Variants in PDGFC observed in about 807,000 individuals in gnomAD.
PDGFC encodes platelet derived growth factor C.
A neutral mutation model predicts 35.5 loss-of-function variants in PDGFC; 12 were observed. That is an observed-to-expected ratio of 0.34 (90% CI 0.22 to 0.55). The LOEUF is 0.55. Ranked by LOEUF, PDGFC falls within the 20% of genes least tolerant of loss-of-function variation. The pLI, the probability that PDGFC is intolerant of heterozygous loss-of-function variation, is 0.91. For missense variants in PDGFC, 322 were observed against 412.4 expected, an observed-to-expected ratio of 0.78 and a Z score of 1.90; for synonymous variants, 159 against 148.8, an observed-to-expected ratio of 1.07 and a Z score of -0.50.
intron 2 of PDGFC, among the ~76,000 whole-genome samples, chr4:156,831,439 CTTT>C (rs34254264): frequency 3.0e-5 from 3 of 99,310 alleles, no homozygotes; most frequent in African/African-American, 4.5e-5. Flanking sequence ...GAGACCCTGT[CTTT>C]TTTTTTTTTT....
intron 2 of PDGFC, among the ~76,000 whole-genome samples, chr4:156,814,562 G>C (rs990521409): frequency 2.0e-5 from 3 of 152,044 alleles, no homozygotes; most frequent in Admixed American, 1.3e-4. Flanking sequence ...AAATTTTCTT[G>C]AGACCATTTT....
chr4:156,845,995 A>G (rs1314339713), intron 2 of PDGFC, among the ~76,000 whole-genome samples: 2 of 151,948 alleles, frequency 1.3e-5, no homozygotes, highest in Admixed American at 1.3e-4. Context: ...AAAACAAAAG[A>G]CATAAAGATG....
chr4:156,840,832 T>G (rs1216327522), intron 2 of PDGFC, among the ~76,000 whole-genome samples: 1 of 152,190 alleles, frequency 6.6e-6, no homozygotes, highest in Non-Finnish European at 1.5e-5. Context: ...ATTTTGGAAC[T>G]TTACGATTTG....
At chr4:156,870,938 TA>T (rs932124938) in intron 1 of PDGFC, among the ~76,000 whole-genome samples, 1 of 152,054 alleles carries the variant, frequency 6.6e-6, no homozygotes, top group African/African-American at 2.4e-5. Context: ...ACTTAAAGTT[TA>T]AAAGAGAGTA....
chr4:156,968,044 A>G (rs1732506470), intron 1 of PDGFC, among the ~76,000 whole-genome samples: 1 of 152,204 alleles, frequency 6.6e-6, no homozygotes. Flanking sequence ...AATGACACTA[A>G]CCCTTCAAAG....
intron 1 of PDGFC, among the ~76,000 whole-genome samples, chr4:156,951,744 A>C (rs1012215656): frequency 2.0e-5 from 3 of 151,366 alleles, no homozygotes; most frequent in Non-Finnish European, 4.4e-5. Flanking sequence ...AAAAAAAAAA[A>C]AACAAAAAAC....
intron 3 of PDGFC, among the ~76,000 whole-genome samples, chr4:156,787,016 T>A (rs1731146797): frequency 6.6e-6 from 1 of 152,294 alleles, no homozygotes; most frequent in African/African-American, 2.4e-5. Context: ...CAAGAGAAGA[T>A]TCTAGGTTAC....
chr4:156,878,652 A>G (rs1179113768), intron 1 of PDGFC, among the ~76,000 whole-genome samples: 2 of 152,178 alleles, frequency 1.3e-5, no homozygotes, highest in African/African-American at 4.8e-5. Context: ...AAAATGCAAT[A>G]TACTCCAATG....
At chr4:156,821,536 C>G (rs1401833908) in intron 2 of PDGFC, among the ~76,000 whole-genome samples, 1 of 151,926 alleles carries the variant, frequency 6.6e-6, no homozygotes, top group Non-Finnish European at 1.5e-5. Context: ...CCACCACTCT[C>G]TACGTATATT....
chr4:156,960,184 C>G (rs1255191587), intron 1 of PDGFC, among the ~76,000 whole-genome samples: 2 of 150,282 alleles, frequency 1.3e-5, no homozygotes, highest in African/African-American at 4.9e-5. Flanking sequence ...TTGAAATAGA[C>G]AGTTTTGACC....
chr4:156,969,703 A>G (rs1296814537), intron 1 of PDGFC, among the ~76,000 whole-genome samples: 1 of 152,174 alleles, frequency 6.6e-6, no homozygotes, highest in East Asian at 1.9e-4. Context: ...TTCATTTTGC[A>G]TGGTTAATCA....
At chr4:156,881,280 T>G (rs181725031) in intron 1 of PDGFC, among the ~76,000 whole-genome samples, 11 of 151,340 alleles carry the variant, frequency 7.3e-5, no homozygotes, top group Admixed American at 2.6e-4. Flanking sequence ...CAATAAAGTG[T>G]TTTTTTTTAC....
chr4:156,959,282 T>C (rs550871978), intron 1 of PDGFC, among the ~76,000 whole-genome samples: 2 of 152,010 alleles, frequency 1.3e-5, no homozygotes, highest in Admixed American at 1.3e-4. Flanking sequence ...AAAAATAAGC[T>C]TGCAACCTCA....
rs148554764 is a variant in PDGFC, at chr4:156,854,296, A to C, written c.119-3880T>G. Among the ~76,000 whole-genome samples, 296 of 152,314 alleles carry C rather than the reference A, an allele frequency of 1.9e-3. 1 individual carries two copies. Among genetic ancestry groups the C allele is most frequent in the African/African-American group, 6.8e-3 (284 of 41,582 alleles). The stretch of plus-strand genomic sequence containing the variant: ...TGTGGCATATAATTGAGAAAACTAC[A>C]TAGCTATTAAAAGATCTGAATTCTA... On this transcript the variant is annotated intron_variant, in intron 1 of 5. Coordinates refer to ENST00000502773, the MANE Select transcript of PDGFC (RefSeq NM_016205.3).
chr4:156,798,529 G>C (rs570363797), intron 3 of PDGFC, among the ~76,000 whole-genome samples: 1 of 152,180 alleles, frequency 6.6e-6, no homozygotes, highest in Admixed American at 6.5e-5. Context: ...TGTAGGCCTG[G>C]GTAGAAGTGA....
chr4:156,824,523 G>C (rs1366286325), intron 2 of PDGFC, among the ~76,000 whole-genome samples: 1 of 151,680 alleles, frequency 6.6e-6, no homozygotes, highest in African/African-American at 2.4e-5. Flanking sequence ...TTTTGTTTCT[G>C]CATTTTGTAA....
At position 156,762,996 on chromosome 4, in the gene PDGFC, C is replaced by A; in HGVS notation, c.*94G>T. 1 of 707,166 alleles carries A rather than the reference C, an allele frequency of 1.4e-6. No individual in the cohort carries two copies. The highest frequency in any genetic ancestry group is 2.6e-6 in the Non-Finnish European group (1 of 379,340). The allele number at this position is 707,166 out of a possible 1,614,324, so 43.8% of individuals were successfully genotyped here. On this transcript the variant is annotated 3_prime_UTR_variant, in exon 6 of 6. Transcript: ENST00000502773. ...GATGAAAGGTCCTTGAAGCAAACAA[C>A]TGAGATTAAGGATGGAGATAACGCA...
intron 2 of PDGFC, among the ~76,000 whole-genome samples, chr4:156,811,944 T>A (rs184152103): frequency 1.2e-3 from 187 of 152,214 alleles, no homozygotes; most frequent in African/African-American, 3.7e-3. Flanking sequence ...ATGTCCTCCA[T>A]GCCTTTCAAA....
intron 2 of PDGFC, among the ~76,000 whole-genome samples, chr4:156,843,778 C>G (rs1249556359): frequency 6.6e-6 from 1 of 152,096 alleles, no homozygotes; most frequent in Non-Finnish European, 1.5e-5. Flanking sequence ...CCAAAACCAC[C>G]TACCCTCCCC....
Sources: gnomAD v4.1 joint callset for allele counts (sites outside exome capture counted in the v4.1 genomes callset) on GRCh38, gnomAD v4.1.1 for gene constraint, MANE v1.5 for transcripts, NCBI Gene and HGNC (gene_info 2026-07-23, HGNC 2026-07-21) for gene names.